TTLL8: variants seen among roughly 807,000 people sequenced by gnomAD.
The protein encoded by TTLL8 is protein monoglycylase TTLL8.
TTLL8 carries 65 observed loss-of-function variants against 77.8 expected under a neutral mutation model. That is an observed-to-expected ratio of 0.84 (90% CI 0.68 to 1.03). The LOEUF is 1.03. TTLL8 is among the 50% of genes least tolerant of loss of function. The probability of loss-of-function intolerance (pLI) is 0.00; values close to 1 mark genes in which losing one functional copy is unlikely to be tolerated. For missense variants in TTLL8, 910 were observed against 1,004.5 expected, an observed-to-expected ratio of 0.91 and a Z score of 1.27; for synonymous variants, 402 against 422.8, an observed-to-expected ratio of 0.95 and a Z score of 0.60.
chr22:50,051,613 C>G (rs1464478333), intron 1 of TTLL8, among the ~76,000 whole-genome samples: 3 of 152,210 alleles, frequency 2.0e-5, no homozygotes, highest in Non-Finnish European at 4.4e-5. Flanking sequence ...AATGTCCACG[C>G]TGTTTTCCAC....
Position 50,044,779 on chromosome 22 carries a change from T to C in TTLL8, c.643+476A>G, listed in dbSNP as rs1009870526. Reference sequence around the variant, plus strand: ...AAACTGCTCTAGAAATTACATTTTATTAAAACCAACAACCACAAAAAAGAT... The same window carrying C: ...AAACTGCTCTAGAAATTACATTTTACTAAAACCAACAACCACAAAAAAGAT... On this transcript the variant is annotated intron_variant, in intron 6 of 13. Transcript: ENST00000266182. The surrounding 1 kb of genome is among the most constrained non-coding windows in gnomAD (Gnocchi z 4.2). Among the ~76,000 whole-genome samples the C allele has an allele frequency of 6.6e-6, 1 of 152,156 alleles. No homozygotes were observed. The highest frequency in any genetic ancestry group is 1.5e-5 in the Non-Finnish European group (1 of 68,030).
chr22:50,049,059 G>C (rs1055790938), intron 3 of TTLL8, 190 bp downstream of exon 5: 2 of 777,390 alleles, frequency 2.6e-6, no homozygotes, highest in Non-Finnish European at 3.1e-6. Context: ...ATCCAGCACC[G>C]AAGGGCTCGC....
intron 6 of TTLL8, among the ~76,000 whole-genome samples, chr22:50,043,864 GC>G (rs1007465585): frequency 6.6e-6 from 1 of 152,160 alleles, no homozygotes; most frequent in African/African-American, 2.4e-5. Context: ...GAGCTCGGGG[GC>G]GGGGGGATGA....
intron 4 of TTLL8, chr22:50,046,960 C>T (rs1487260471): frequency 3.6e-6 from 2 of 551,420 alleles, no homozygotes; most frequent in Admixed American, 1.3e-4. Context: ...CCGGATTCAC[C>T]CAGAGACACA....
chr22:50,027,665 G>A, intron 12 of TTLL8: 3 of 985,418 alleles, frequency 3.0e-6, no homozygotes, highest in Non-Finnish European at 3.6e-6. Flanking sequence ...TTCCTGTCCT[G>A]CTGGCCGGAC....
At chr22:50,047,046 T>G in intron 4 of TTLL8, 122 bp downstream of exon 6, 11 of 1,233,888 alleles carry the variant, frequency 8.9e-6, no homozygotes, top group Non-Finnish European at 1.2e-5. Flanking sequence ...CCAGGAGTCC[T>G]GGGATGCACC....
upstream of TTLL8, among the ~76,000 whole-genome samples, chr22:50,057,936 T>TTCTGTGGTTAG (rs1230704424): frequency 6.6e-6 from 1 of 151,088 alleles, no homozygotes; most frequent in African/African-American, 2.4e-5. Context: ...GTTGGGCAGG[T>TTCTGTGGTTAG]TTAGTGGGGG....
At chr22:50,049,948 G>T in intron 2 of TTLL8, 161 bp downstream of exon 4, 1 of 735,142 alleles carries the variant, frequency 1.4e-6, no homozygotes, top group African/African-American at 1.9e-5. Context: ...GACCGCCTGG[G>T]GCAGGGAGGC....
chr22:50,031,003 A>C, intron 11 of TTLL8, 78 bp from the exon 13 acceptor site: 1 of 1,204,202 alleles, frequency 8.3e-7, no homozygotes, highest in East Asian at 5.9e-5. Context: ...TCTGTGCAGG[A>C]GGGGCTGGTC....
At chr22:50,024,528 C>T (rs994665051) in intron 12 of TTLL8, among the ~76,000 whole-genome samples, 2 of 152,152 alleles carry the variant, frequency 1.3e-5, no homozygotes, top group Non-Finnish European at 2.9e-5. Flanking sequence ...ATATTTTTGA[C>T]AAAGATGCCC....
At chr22:50,019,131 T>C (rs918933715) in intron 12 of TTLL8, among the ~76,000 whole-genome samples, 1 of 152,236 alleles carries the variant, frequency 6.6e-6, no homozygotes, top group South Asian at 2.1e-4. Flanking sequence ...TGTGACTTCC[T>C]TCACTTTAGA....
chr22:50,041,610 G>GTT lies in TTLL8; in HGVS notation c.830+10_830+11insAA, dbSNP rs778211962. The GTT allele has an allele frequency of 7.4e-7, 1 of 1,346,930 alleles. No homozygotes were observed. Among genetic ancestry groups the GTT allele is most frequent in the Admixed American group, 2.1e-5 (1 of 48,324 alleles). 83.4% of individuals were successfully genotyped at this position (1,346,930 alleles called of 1,614,324 possible). ...GCTCCGACATGTGCCAGGGGCCTGC[G>GTT]TAAGTCTTACTGAACGAGGGAGTAG... is the stretch of plus-strand genomic sequence containing the variant. On this transcript the variant is annotated intron_variant, in intron 7 of 13. Transcript: ENST00000266182. This position sits in a 1 kb window ranked among gnomAD's most constrained non-coding sequence, Gnocchi z 4.3.
At chr22:50,026,805 C>G (rs1281205942) in intron 12 of TTLL8, among the ~76,000 whole-genome samples, 1 of 152,192 alleles carries the variant, frequency 6.6e-6, no homozygotes, top group Admixed American at 6.5e-5. Flanking sequence ...CAAGAAAAAC[C>G]ACCAAATGGC....
At chr22:50,022,320 C>T (rs965512203) in intron 12 of TTLL8, among the ~76,000 whole-genome samples, 31 of 137,998 alleles carry the variant, frequency 2.2e-4, no homozygotes, top group East Asian at 1.6e-3. Flanking sequence ...ACTCCTCCGA[C>T]GACGTGCACT....
At position 50,031,934 on chromosome 22, in the gene TTLL8, TG is replaced by T. The variant is rs777959590; in HGVS notation, c.1458del (p.Ile487SerfsTer5). ...TGGGCCACCTTCATGGCGTGGGCGATGGCCTTCTTCATGGACGGGTAGATGA... is the reference window on the plus strand; with the variant it reads ...TGGGCCACCTTCATGGCGTGGGCGATGCCTTCTTCATGGACGGGTAGATGA... On this transcript the variant is annotated frameshift_variant, in exon 11 of 14. Transcript: ENST00000266182. LOFTEE classifies it high-confidence loss of function. The T allele has an allele frequency of 7.3e-7, 1 of 1,366,854 alleles. No individual in the cohort carries two copies. Among genetic ancestry groups the T allele is most frequent in the African/African-American group, 1.5e-5 (1 of 67,764 alleles). 84.7% of individuals were successfully genotyped at this position (1,366,854 alleles called of 1,614,324 possible).
At chr22:50,022,053 TG>T (rs2061205561) in intron 12 of TTLL8, among the ~76,000 whole-genome samples, 1 of 143,820 alleles carries the variant, frequency 7.0e-6, no homozygotes, top group Non-Finnish European at 1.5e-5. Flanking sequence ...CTCCATCTGA[TG>T]ATGTGTACTC....
intron 8 of TTLL8, among the ~76,000 whole-genome samples, chr22:50,038,458 A>G (rs2146666585): frequency 6.6e-6 from 1 of 152,196 alleles, no homozygotes; most frequent in Non-Finnish European, 1.5e-5. Flanking sequence ...CAAGGAGGAC[A>G]CTCTCAATAA....
At chr22:50,040,502 G>A (rs1285725735) in intron 8 of TTLL8, among the ~76,000 whole-genome samples, 1 of 152,256 alleles carries the variant, frequency 6.6e-6, no homozygotes, top group African/African-American at 2.4e-5. Flanking sequence ...AATGGGTTGT[G>A]ACCCCTGTGG....
rs1327271723 is a variant in TTLL8, at chr22:50,047,830, G to T, written c.265-534C>A. ...AATTCCAACCAGGCTGGGTGCAGTGGCTCACGCCTGTAATCCCAACACTTT... is the reference window on the plus strand; with the variant it reads ...AATTCCAACCAGGCTGGGTGCAGTGTCTCACGCCTGTAATCCCAACACTTT... On this transcript the variant is annotated intron_variant, in intron 3 of 13. Transcript: ENST00000266182. Among the ~76,000 whole-genome samples the T allele has an allele frequency of 2.0e-5, 3 of 152,352 alleles. No individual in the cohort carries two copies. In the East Asian group the frequency reaches 5.8e-4, roughly 29 times the overall value.
Sources: gnomAD v4.1 joint callset for allele counts (sites outside exome capture counted in the v4.1 genomes callset) on GRCh38, gnomAD v4.1.1 for gene constraint, Gnocchi (gnomAD v3.1) non-coding constraint, MANE v1.5 for transcripts, NCBI Gene and HGNC (gene_info 2026-07-23, HGNC 2026-07-21) for gene names.